LRRC4C: variants seen among roughly 807,000 people sequenced by gnomAD.
The protein encoded by LRRC4C is leucine-rich repeat-containing protein 4C.
LRRC4C carries 5 observed loss-of-function variants against 33.6 expected under a neutral mutation model. That is an observed-to-expected ratio of 0.15 (90% confidence interval 0.08 to 0.31). The LOEUF (loss-of-function observed/expected upper bound fraction) is 0.31, where lower values mean the gene tolerates loss of function less well. Among genes scored for constraint, LRRC4C ranks in the 10% least tolerant of loss-of-function variants. The pLI is 1.00. For synonymous variants in LRRC4C, 329 were observed against 302.0 expected, an observed-to-expected ratio of 1.09 and a Z score of -0.93; for missense variants, 560 against 796.7, an observed-to-expected ratio of 0.70 and a Z score of 3.58.
intron 2 of LRRC4C, among the ~76,000 whole-genome samples, chr11:40,874,778 A>G (rs2135966055): frequency 6.6e-6 from 1 of 152,302 alleles, no homozygotes. Context: ...GGTGTCTGGT[A>G]GCCTTGCAGC....
chr11:41,256,979 AT>A lies in LRRC4C; in HGVS notation c.-496+202451del, dbSNP rs537016994. 2.2e-3 allele frequency among the ~76,000 whole-genome samples: 331 copies of A among 152,114 alleles called. 2 individuals are homozygous for A. The highest frequency in any genetic ancestry group is 7.6e-3 in the African/African-American group (316 of 41,548). ...TAGGTTATTGGCATTTTAAGCTTTC[AT>A]TAAGAAGCTTGATAGAAAATACAAA... is the stretch of plus-strand genomic sequence containing the variant. On this transcript the variant is annotated intron_variant, in intron 1 of 6. Coordinates refer to ENST00000528697, the MANE Select transcript of LRRC4C (RefSeq NM_001258419.2).
chr11:40,670,650 A>T (rs1212076519), intron 2 of LRRC4C, among the ~76,000 whole-genome samples: 1 of 152,212 alleles, frequency 6.6e-6, no homozygotes, highest in East Asian at 1.9e-4. Flanking sequence ...GTAGGGAAAA[A>T]AGGGTACATA....
At chr11:41,094,477 TTGCACCAC>T (rs960011515) in intron 1 of LRRC4C, among the ~76,000 whole-genome samples, 1 of 151,998 alleles carries the variant, frequency 6.6e-6, no homozygotes. Flanking sequence ...TGAGCCGAGA[TTGCACCAC>T]TGCACTCCAG....
intron 1 of LRRC4C, among the ~76,000 whole-genome samples, chr11:41,101,939 C>G (rs1193815461): frequency 6.6e-6 from 1 of 151,904 alleles, no homozygotes; most frequent in Non-Finnish European, 1.5e-5. Flanking sequence ...GATAAGAACA[C>G]AATGACACAA....
chr11:40,991,318 A>C (rs181309987), intron 1 of LRRC4C, among the ~76,000 whole-genome samples: 13 of 152,192 alleles, frequency 8.5e-5, no homozygotes, highest in Admixed American at 3.9e-4. Context: ...TCAGTGAATC[A>C]ATATTTTCCA....
chr11:40,795,834 T>G (rs1221343610), intron 2 of LRRC4C, among the ~76,000 whole-genome samples: 1 of 152,140 alleles, frequency 6.6e-6, no homozygotes, highest in African/African-American at 2.4e-5. Context: ...CAGAAGAATA[T>G]TCAAAATCTT....
At chr11:40,320,727 A>G (rs1464210683) in intron 3 of LRRC4C, among the ~76,000 whole-genome samples, 1 of 152,182 alleles carries the variant, frequency 6.6e-6, no homozygotes. Flanking sequence ...AAAGCTTCGT[A>G]CAAAATTGCC....
At chr11:41,389,639 C>CAAAAAAAAAAAAAAAAAAAAAAA (rs56194204) in intron 1 of LRRC4C, among the ~76,000 whole-genome samples, 4 of 80,954 alleles carry the variant, frequency 4.9e-5, no homozygotes, top group Non-Finnish European at 6.7e-5. Context: ...CAGTGAGCAG[C>CAAAAAAAAAAAAAAAAAAAAAAA]AAAAAAAAAA....
At chr11:40,781,532 A>G (rs1446206106) in intron 2 of LRRC4C, among the ~76,000 whole-genome samples, 2 of 152,166 alleles carry the variant, frequency 1.3e-5, no homozygotes, top group Non-Finnish European at 1.5e-5. Context: ...TCCAAATACT[A>G]TGCCTCACCT....
chr11:41,421,803 T>A (rs1432649484), intron 1 of LRRC4C, among the ~76,000 whole-genome samples: 1 of 152,004 alleles, frequency 6.6e-6, no homozygotes, highest in African/African-American at 2.4e-5. Context: ...GGAATCAGCA[T>A]CATTGTCGAT....
chr11:40,405,738 T>C (rs1949942736), intron 3 of LRRC4C, among the ~76,000 whole-genome samples: 1 of 146,894 alleles, frequency 6.8e-6, no homozygotes, highest in Non-Finnish European at 1.5e-5. Flanking sequence ...GAGAAACTTT[T>C]TGTAAGTTCC....
intron 1 of LRRC4C, among the ~76,000 whole-genome samples, chr11:41,279,400 A>ACG (rs2136917262): frequency 6.9e-6 from 1 of 145,086 alleles, no homozygotes; most frequent in Admixed American, 7.5e-5. Flanking sequence ...ACACACACAC[A>ACG]CACACACACA....
chr11:41,147,163 TATTCCATAAATG>T (rs1943763024), intron 1 of LRRC4C, among the ~76,000 whole-genome samples: 1 of 152,228 alleles, frequency 6.6e-6, no homozygotes, highest in Non-Finnish European at 1.5e-5. Context: ...CTCTTTTTGG[TATTCCATAAATG>T]ATTCCCTTCT....
intron 3 of LRRC4C, among the ~76,000 whole-genome samples, chr11:40,642,253 T>A (rs150814674): frequency 6.6e-6 from 1 of 152,330 alleles, no homozygotes; most frequent in African/African-American, 2.4e-5. Flanking sequence ...GCTACAGTAA[T>A]CACTTGAGTT....
chr11:40,662,754 G>T (rs12224025), intron 2 of LRRC4C, among the ~76,000 whole-genome samples: 21,678 of 152,190 alleles, frequency 0.14, 1,822 homozygotes, highest in Non-Finnish European at 0.19. Flanking sequence ...AAGTAACTCT[G>T]TGCAAGTTGT....
intron 1 of LRRC4C, among the ~76,000 whole-genome samples, chr11:41,046,014 G>A (rs1227619305): frequency 6.6e-6 from 1 of 152,016 alleles, no homozygotes; most frequent in Non-Finnish European, 1.5e-5. Context: ...GAACTAACCA[G>A]TAGAAAGAAA....
At chr11:41,297,835 C>T (rs149134062) in intron 1 of LRRC4C, among the ~76,000 whole-genome samples, 228 of 152,072 alleles carry the variant, frequency 1.5e-3, no homozygotes, top group African/African-American at 4.2e-3. Context: ...CATATTTATC[C>T]GCAGAATCTG....
At chr11:40,978,141 C>A (rs1328398476) in intron 1 of LRRC4C, among the ~76,000 whole-genome samples, 1 of 152,178 alleles carries the variant, frequency 6.6e-6, no homozygotes, top group African/African-American at 2.4e-5. Context: ...TTTATTATTG[C>A]ATTAGGCTCT....
At chr11:41,427,168 T>C (rs1955070548) in intron 1 of LRRC4C, among the ~76,000 whole-genome samples, 1 of 152,178 alleles carries the variant, frequency 6.6e-6, no homozygotes, top group South Asian at 2.1e-4. Context: ...TATAAGCATT[T>C]GAAATTGGGA....
Sources: gnomAD v4.1 joint callset for allele counts (sites outside exome capture counted in the v4.1 genomes callset) on GRCh38, gnomAD v4.1.1 for gene constraint, MANE v1.5 for transcripts, NCBI Gene and HGNC (gene_info 2026-07-23, HGNC 2026-07-21) for gene names.